ERBB4: variants seen among roughly 807,000 people sequenced by gnomAD.
ERBB4 encodes receptor tyrosine-protein kinase erbB-4.
Under a neutral mutation model 158.0 loss-of-function variants are expected in ERBB4, and 42 were observed. That is an observed-to-expected ratio of 0.27 (90% confidence interval 0.21 to 0.34). The LOEUF (loss-of-function observed/expected upper bound fraction) is 0.34, where lower values mean the gene tolerates loss of function less well. Ranked by LOEUF, ERBB4 falls within the 10% of genes least tolerant of loss-of-function variation. ERBB4 has a pLI of 1.00. For synonymous variants in ERBB4, 583 were observed against 558.7 expected, an observed-to-expected ratio of 1.04 and a Z score of -0.61; for missense variants, 1,333 against 1,624.1, an observed-to-expected ratio of 0.82 and a Z score of 3.08.
At chr2:211,955,599 C>A (rs189385867) in intron 2 of ERBB4, among the ~76,000 whole-genome samples, 96 of 152,204 alleles carry the variant, frequency 6.3e-4, no homozygotes, top group African/African-American at 1.9e-3. Context: ...AGTATATAAA[C>A]AAACTGCAAA....
chr2:211,838,089 G>A (rs554331195), intron 3 of ERBB4, among the ~76,000 whole-genome samples: 2 of 152,110 alleles, frequency 1.3e-5, no homozygotes, highest in Admixed American at 6.6e-5. Flanking sequence ...TGAAAAAGTA[G>A]GAGTACCAGA....
intron 2 of ERBB4, chr2:211,960,512 C>T (rs564578468): frequency 3.9e-5 from 6 of 151,918 alleles, no homozygotes; most frequent in Middle Eastern, 3.2e-3. Flanking sequence ...CACCAGGTAA[C>T]GAAATAACAG....
At chr2:211,425,063 C>A (rs1392357716) in intron 22 of ERBB4, among the ~76,000 whole-genome samples, 1 of 152,006 alleles carries the variant, frequency 6.6e-6, no homozygotes, top group Non-Finnish European at 1.5e-5. Flanking sequence ...CTGATTTGAG[C>A]AATAATATAT....
chr2:212,418,528 AAAAT>A (rs1345448427), intron 1 of ERBB4, among the ~76,000 whole-genome samples: 152 of 150,796 alleles, frequency 1.0e-3, no homozygotes, highest in Middle Eastern at 6.8e-3. Context: ...AAAATAAAAT[AAAAT>A]AAACATATAT....
intron 1 of ERBB4, among the ~76,000 whole-genome samples, chr2:212,462,227 G>A (rs2106076174): frequency 6.6e-6 from 1 of 152,244 alleles, no homozygotes; most frequent in South Asian, 2.1e-4. Flanking sequence ...AGCTCTTAAA[G>A]CAGAGGCAAC....
In ERBB4 at chr2:212,528,810, T is replaced by G. The variant is rs539966778; in HGVS notation, c.82+9639A>C. Among the ~76,000 whole-genome samples, 10 of 152,256 alleles carry G rather than the reference T, an allele frequency of 6.6e-5. No homozygotes were observed. The East Asian group carries it at 1.9e-3, about 29-fold the overall frequency. ...AGAGTGAATCATCTAAAAGAGCAACTAAGAGAATCCCCATCACCTCTCAGT... is the reference window on the plus strand; with the variant it reads ...AGAGTGAATCATCTAAAAGAGCAACGAAGAGAATCCCCATCACCTCTCAGT... On this transcript the variant is annotated intron_variant, in intron 1 of 27. Transcript: ENST00000342788.
At chr2:212,456,763 A>G (rs1688308863) in intron 1 of ERBB4, among the ~76,000 whole-genome samples, 1 of 152,020 alleles carries the variant, frequency 6.6e-6, no homozygotes, top group African/African-American at 2.4e-5. Flanking sequence ...AAAAATATAT[A>G]AAAACAACAT....
intron 2 of ERBB4, among the ~76,000 whole-genome samples, chr2:212,092,509 T>C (rs1455984996): frequency 6.6e-6 from 1 of 152,188 alleles, no homozygotes; most frequent in East Asian, 1.9e-4. Context: ...TACCTCTTTA[T>C]AGATCGAAGA....
intron 19 of ERBB4, among the ~76,000 whole-genome samples, chr2:211,575,984 A>G (rs1033584594): frequency 6.6e-6 from 1 of 152,228 alleles, no homozygotes; most frequent in African/African-American, 2.4e-5. Flanking sequence ...GCAAGTTTTT[A>G]TATTAAATAT....
At chr2:212,492,571 C>T (rs1690338737) in intron 1 of ERBB4, among the ~76,000 whole-genome samples, 1 of 151,056 alleles carries the variant, frequency 6.6e-6, no homozygotes, top group Non-Finnish European at 1.5e-5. Flanking sequence ...TCTTTATGTA[C>T]AAAAATGATA....
At chr2:211,409,724 TG>T (rs1191385536) in intron 25 of ERBB4, among the ~76,000 whole-genome samples, 1 of 151,998 alleles carries the variant, frequency 6.6e-6, no homozygotes, top group Non-Finnish European at 1.5e-5. Context: ...TGACCAGGGG[TG>T]GGGGGAACCA....
chr2:212,408,413 T>G (rs2091409476), intron 1 of ERBB4, among the ~76,000 whole-genome samples: 1 of 152,122 alleles, frequency 6.6e-6, no homozygotes, highest in Non-Finnish European at 1.5e-5. Context: ...AATTTTAAAT[T>G]CAACATTTGT....
At chr2:211,730,509 T>C (rs551806653) in intron 5 of ERBB4, among the ~76,000 whole-genome samples, 8 of 152,168 alleles carry the variant, frequency 5.3e-5, no homozygotes, top group African/African-American at 1.4e-4. Flanking sequence ...CTTTTGATTA[T>C]CTTCATTTCC....
intron 2 of ERBB4, among the ~76,000 whole-genome samples, chr2:211,963,504 T>A (rs1002933108): frequency 6.6e-6 from 1 of 152,124 alleles, no homozygotes; most frequent in South Asian, 2.1e-4. Context: ...TTAATATTCT[T>A]GTATTAATAT....
chr2:212,083,614 A>G (rs2078510893), intron 2 of ERBB4, among the ~76,000 whole-genome samples: 1 of 151,824 alleles, frequency 6.6e-6, no homozygotes, highest in African/African-American at 2.4e-5. Flanking sequence ...GTTAAAAGAT[A>G]GTTTGGATTT....
intron 14 of ERBB4, among the ~76,000 whole-genome samples, chr2:211,669,791 A>T (rs2071770196): frequency 6.6e-6 from 1 of 152,156 alleles, no homozygotes. Flanking sequence ...TGGGGGACAA[A>T]AAACTGAGAT....
intron 1 of ERBB4, among the ~76,000 whole-genome samples, chr2:212,511,058 A>T (rs1691491174): frequency 6.6e-6 from 1 of 152,182 alleles, no homozygotes; most frequent in South Asian, 2.1e-4. Context: ...ATGTACTCAA[A>T]AAAACGGATA....
intron 2 of ERBB4, among the ~76,000 whole-genome samples, chr2:212,085,416 G>A (rs2125478290): frequency 6.6e-6 from 1 of 151,966 alleles, no homozygotes; most frequent in Non-Finnish European, 1.5e-5. Context: ...ATACAAATGA[G>A]TGATAAATAA....
rs528991783 is a variant in ERBB4 at position 211,598,435 on chromosome 2, A to G, written c.2301+20742T>C. Among the ~76,000 whole-genome samples the G allele has an allele frequency of 2.0e-5, 3 of 152,332 alleles. No individual in the cohort carries two copies. In the South Asian group the frequency reaches 6.2e-4, roughly 32 times the overall value. On this transcript the variant is annotated intron_variant, in intron 19 of 27. Transcript: ENST00000342788. ...GGGTGACTCAGTTGATGGTGTCAAC[A>G]TTCATTACAATAAGAACATGGGAAA... is the stretch of plus-strand genomic sequence containing the variant.
Sources: gnomAD v4.1 joint callset for allele counts (sites outside exome capture counted in the v4.1 genomes callset) on GRCh38, gnomAD v4.1.1 for gene constraint, MANE v1.5 for transcripts, NCBI Gene and HGNC (gene_info 2026-07-23, HGNC 2026-07-21) for gene names.